Variants in SDHAF4 observed in about 807,000 individuals in gnomAD.
SDHAF4 encodes the protein succinate dehydrogenase assembly factor 4, mitochondrial.
Under a neutral mutation model 14.3 loss-of-function variants are expected in SDHAF4, and 14 were observed. The ratio of observed to expected loss-of-function variants is 0.98; its 90% CI spans 0.65 to 1.53. SDHAF4 has a LOEUF of 1.53. Among genes scored for constraint, SDHAF4 ranks in the 40% most tolerant of loss-of-function variants. The pLI is 0.00. For synonymous variants in SDHAF4, 63 were observed against 47.3 expected, an observed-to-expected ratio of 1.33 and a Z score of -1.36; for missense variants, 141 against 129.3, an observed-to-expected ratio of 1.09 and a Z score of -0.44.
At chr6:70,597,867 C>T in the SDHAF4 span, among the ~76,000 whole-genome samples, 4 of 152,152 alleles carry the variant, frequency 2.6e-5, no homozygotes, top group African/African-American at 7.2e-5. Flanking sequence ...TTTTTAAGCC[C>T]TTCCTGGTCC....
At position 70,569,698 on chromosome 6, in the gene SDHAF4, C is replaced by G. The variant is rs191254184; in HGVS notation, c.64+2694C>G. 5.6e-3 allele frequency among the ~76,000 whole-genome samples: 860 copies of G among 152,296 alleles called. 4 individuals carry two copies. Among genetic ancestry groups the G allele is most frequent in the Non-Finnish European group, 8.2e-3 (560 of 68,030 alleles). On this transcript the variant is annotated intron_variant, in intron 1 of 2. Transcript: ENST00000370474. ...TAACGGGTCTGCATGTGTAATCATGCAGCTTCAATATAAAAGGTATCTTAA... is the reference window on the plus strand; with the variant it reads ...TAACGGGTCTGCATGTGTAATCATGGAGCTTCAATATAAAAGGTATCTTAA...
At chr6:70,586,012 GT>G (rs2128536033) in intron 2 of SDHAF4, among the ~76,000 whole-genome samples, 2 of 152,304 alleles carry the variant, frequency 1.3e-5, no homozygotes, top group South Asian at 4.1e-4. Context: ...CAAGGAGGAT[GT>G]TTTTCCTTGG....
intron 1 of SDHAF4, among the ~76,000 whole-genome samples, chr6:70,577,121 T>C (rs1802265851): frequency 6.6e-6 from 1 of 152,186 alleles, no homozygotes; most frequent in Non-Finnish European, 1.5e-5. Flanking sequence ...CTGGTCTGTC[T>C]TCCAACCCTG....
rs965775222 is a variant in SDHAF4, at chr6:70,589,001, G to T, written c.*277G>T. On this transcript the variant is annotated 3_prime_UTR_variant, in exon 3 of 3. Coordinates refer to ENST00000370474, the MANE Select transcript of SDHAF4 (RefSeq NM_145267.3). ...TGTAATCCCAACTACTCTGGAGGCT[G>T]AGGCAGGAGAATGGCTTAAACCCAG... 1 of 162,242 alleles carries T rather than the reference G, an allele frequency of 6.2e-6. No individual in the cohort carries two copies. Among genetic ancestry groups the T allele is most frequent in the African/African-American group, 2.4e-5 (1 of 41,530 alleles). The allele number at this position is 162,242 out of a possible 1,614,324, so 10.1% of individuals were successfully genotyped here.
chr6:70,593,870 T>G (rs568335964), downstream of SDHAF4, among the ~76,000 whole-genome samples: 288 of 152,234 alleles, frequency 1.9e-3, 2 homozygotes, highest in Middle Eastern at 0.037. Flanking sequence ...TTTTTTTGTA[T>G]TTTTAATAGA....
At chr6:70,567,845 C>A (rs147417638) in intron 1 of SDHAF4, among the ~76,000 whole-genome samples, 2,855 of 152,198 alleles carry the variant, frequency 0.019, 97 homozygotes, top group African/African-American at 0.065. Flanking sequence ...GCCACCGTGC[C>A]TGACTAATTT....
At chr6:70,583,772 T>C (rs140348117) in intron 2 of SDHAF4, among the ~76,000 whole-genome samples, 1 of 152,210 alleles carries the variant, frequency 6.6e-6, no homozygotes, top group African/African-American at 2.4e-5. Context: ...TTCAAAGCCA[T>C]CCTGGGCCAC....
chr6:70,571,778 C>T (rs533008410), intron 1 of SDHAF4, among the ~76,000 whole-genome samples: 1 of 152,168 alleles, frequency 6.6e-6, no homozygotes, highest in African/African-American at 2.4e-5. Flanking sequence ...TTCTTCTCTT[C>T]GAGGGAAGAC....
At chr6:70,580,120 G>A (rs1802303674) in intron 2 of SDHAF4, among the ~76,000 whole-genome samples, 1 of 151,244 alleles carries the variant, frequency 6.6e-6, no homozygotes, top group Non-Finnish European at 1.5e-5. Context: ...TAGAACTCCA[G>A]TAATCTACAA....
At chr6:70,587,859 C>T (rs1765222239) in intron 2 of SDHAF4, among the ~76,000 whole-genome samples, 1 of 152,176 alleles carries the variant, frequency 6.6e-6, no homozygotes, top group African/African-American at 2.4e-5. Context: ...TTATAAATGG[C>T]AGTACCAGCC....
chr6:70,595,247 T>A, the SDHAF4 span, among the ~76,000 whole-genome samples: 1 of 152,084 alleles, frequency 6.6e-6, no homozygotes, highest in Non-Finnish European at 1.5e-5. Context: ...CTTGAATTAC[T>A]TAGGAAGAAA....
the SDHAF4 span, among the ~76,000 whole-genome samples, chr6:70,595,961 C>T: frequency 2.0e-5 from 3 of 151,986 alleles, no homozygotes; most frequent in Non-Finnish European, 2.9e-5. Context: ...TTATATACTT[C>T]AAAAGCTAAT....
At chr6:70,575,676 A>G (rs2128534446) in intron 1 of SDHAF4, among the ~76,000 whole-genome samples, 1 of 152,084 alleles carries the variant, frequency 6.6e-6, no homozygotes, top group Non-Finnish European at 1.5e-5. Context: ...ATTACCAGAA[A>G]CAAAAGTTTT....
In SDHAF4 at chr6:70,588,608, T is replaced by G; in HGVS notation, c.218-7T>G. 6.5e-7 allele frequency: 1 copy of G among 1,530,366 alleles called. No individual in the cohort carries two copies. The highest frequency in any genetic ancestry group is 1.2e-5 in the South Asian group (1 of 85,210). The allele number at this position is 1,530,366 out of a possible 1,614,324, so 94.8% of individuals were successfully genotyped here. On this transcript the variant is annotated splice_polypyrimidine_tract_variant and splice_region_variant and intron_variant, in intron 2 of 2. Transcript: ENST00000370474. ...TAACTGCTTTATTTATATCTCGTTT[T>G]CCTTAGAATTTCCAGATGATGTTAA... is the stretch of plus-strand genomic sequence containing the variant.
downstream of SDHAF4, among the ~76,000 whole-genome samples, chr6:70,589,823 T>G (rs116334138): frequency 3.4e-3 from 524 of 152,330 alleles, 6 homozygotes; most frequent in African/African-American, 0.012. Context: ...CTTTTGATAC[T>G]GGTGGGCTGC....
At chr6:70,578,594 T>TTTG (rs111845670) in intron 1 of SDHAF4, among the ~76,000 whole-genome samples, 22,857 of 151,912 alleles carry the variant, frequency 0.15, 1,877 homozygotes, top group Middle Eastern at 0.2. Context: ...CATTTGTCAA[T>TTTG]TTGTTGTTGT....
At chr6:70,591,489 G>A (rs936075699), downstream of SDHAF4, among the ~76,000 whole-genome samples, 6 of 151,564 alleles carry the variant, frequency 4.0e-5, no homozygotes, top group East Asian at 1.9e-4. Context: ...TCGCCACCAC[G>A]CCCAGCTAAT....
chr6:70,577,792 A>C (rs2128534779), intron 1 of SDHAF4, among the ~76,000 whole-genome samples: 1 of 152,320 alleles, frequency 6.6e-6, no homozygotes, highest in South Asian at 2.1e-4. Context: ...ACTCTATAGA[A>C]TTAGAAAATT....
intron 2 of SDHAF4, among the ~76,000 whole-genome samples, chr6:70,583,809 C>T (rs1024231339): frequency 2.6e-5 from 4 of 152,190 alleles, no homozygotes; most frequent in African/African-American, 9.7e-5. Flanking sequence ...GTGGGTTAGA[C>T]AGGCTTGGAT....
Sources: gnomAD v4.1 joint callset for allele counts (sites outside exome capture counted in the v4.1 genomes callset) on GRCh38, gnomAD v4.1.1 for gene constraint, MANE v1.5 for transcripts, NCBI Gene and HGNC (gene_info 2026-07-23, HGNC 2026-07-21) for gene names.